The following CACNA1A variants were observed in gnomAD, a reference collection of about 807,000 sequenced individuals.
CACNA1A encodes the protein voltage-dependent P/Q-type calcium channel subunit alpha-1A.
CACNA1A carries 57 observed loss-of-function variants against 262.4 expected under a neutral mutation model. That is an observed-to-expected ratio of 0.22 (90% CI 0.18 to 0.27). The LOEUF (loss-of-function observed/expected upper bound fraction) is 0.27. CACNA1A is among the 10% of genes least tolerant of loss of function. CACNA1A has a pLI of 1.00. For missense variants in CACNA1A, 2,526 were observed against 3,562.8 expected (o/e 0.71, Z 7.41); for synonymous variants, 1,431 against 1,419.3 (o/e 1.01, Z -0.18).
intron 38 of CACNA1A, 107 bp downstream of exon 38, chr19:13,224,560 A>G (rs2055364411): frequency 1.4e-6 from 1 of 737,686 alleles, no homozygotes; most frequent in Non-Finnish European, 2.4e-6. Flanking sequence ...GGAAGAGTGA[A>G]TGAAGATCCG....
chr19:13,248,655 T>A (rs1411724169), intron 30 of CACNA1A, among the ~76,000 whole-genome samples: 1 of 151,952 alleles, frequency 6.6e-6, no homozygotes, highest in Non-Finnish European at 1.5e-5. Flanking sequence ...CCAACCTGGC[T>A]GACGTGGTGA....
chr19:13,262,557 C>T (rs2056759949), intron 25 of CACNA1A, 177 bp downstream of exon 25: 1 of 595,656 alleles, frequency 1.7e-6, no homozygotes, highest in Non-Finnish European at 3.1e-6. Context: ...TTTAGGTCAG[C>T]TCACTTTACT....
chr19:13,317,395 G>A, intron 10 of CACNA1A, 74 bp from the exon 11 acceptor site: 2 of 1,290,752 alleles, frequency 1.5e-6, no homozygotes, highest in Non-Finnish European at 2.2e-6. Flanking sequence ...TGCAGCCCAA[G>A]CACAGATTTT....
chr19:13,369,597 T>G (rs115230277), intron 4 of CACNA1A, among the ~76,000 whole-genome samples: 1,904 of 152,172 alleles, frequency 0.013, 36 homozygotes, highest in African/African-American at 0.042. Context: ...GATGAGAGAG[T>G]TCACACACAG....
intron 1 of CACNA1A, among the ~76,000 whole-genome samples, chr19:13,504,910 T>C (rs1982833893): frequency 6.6e-6 from 1 of 152,066 alleles, no homozygotes; most frequent in Non-Finnish European, 1.5e-5. Context: ...TGCATTTTGA[T>C]AGCATCTCCA....
chr19:13,248,403 C>T (rs146163830), intron 30 of CACNA1A, among the ~76,000 whole-genome samples: 1,765 of 123,276 alleles, frequency 0.014, 13 homozygotes, highest in Non-Finnish European at 0.016. Flanking sequence ...GAGTAAGATC[C>T]CATCTCAAAA....
chr19:13,396,047 C>T (rs1276374897), intron 3 of CACNA1A, among the ~76,000 whole-genome samples: 1 of 152,238 alleles, frequency 6.6e-6, no homozygotes, highest in Non-Finnish European at 1.5e-5. Flanking sequence ...AGCTTTGGGT[C>T]TTCATTCTGA....
chr19:13,490,729 GAAAGAGAAAA>G (rs1980721756), intron 1 of CACNA1A, among the ~76,000 whole-genome samples: 1 of 119,264 alleles, frequency 8.4e-6, no homozygotes, highest in African/African-American at 3.3e-5. Context: ...AAGAAAGAAA[GAAAGAGAAAA>G]GAAAGAAAGA....
At chr19:13,414,965 A>G (rs1234895796) in intron 3 of CACNA1A, among the ~76,000 whole-genome samples, 1 of 152,110 alleles carries the variant, frequency 6.6e-6, no homozygotes, top group Non-Finnish European at 1.5e-5. Flanking sequence ...CCTGTCTCAA[A>G]ACAAAAGCAA....
intron 18 of CACNA1A, 109 bp from the exon 19 acceptor site, chr19:13,299,462 C>T: frequency 1.2e-6 from 1 of 861,076 alleles, no homozygotes; most frequent in Non-Finnish European, 1.9e-6. Context: ...GCTCTCCACC[C>T]TCTACTCCCC....
intron 21 of CACNA1A, 147 bp downstream of exon 21, chr19:13,284,921 G>T: frequency 1.5e-6 from 1 of 662,910 alleles, no homozygotes; most frequent in East Asian, 2.7e-5. Flanking sequence ...CCTGACTTAC[G>T]GAAGGAGCAT....
At chr19:13,450,641 T>A (rs2060900042) in intron 3 of CACNA1A, 1 of 152,220 alleles carries the variant, frequency 6.6e-6, no homozygotes, top group Admixed American at 6.5e-5. Context: ...AAGTGTTCAA[T>A]AAATAGTCAT....
chr19:13,214,445 C>T lies in CACNA1A; in HGVS notation c.5839+56G>A, dbSNP rs2054924844. 1.4e-5 allele frequency: 22 copies of T among 1,555,566 alleles called. No homozygotes were observed. The highest frequency in any genetic ancestry group is 1.9e-5 in the Non-Finnish European group (22 of 1,131,166). ...ACACTCTCCCCAGGCCTCCCCTTTC[C>T]CTCCCCCTCCATCTGTCCTGGTGGA... On this transcript the variant is annotated intron_variant, in intron 39 of 46. Transcript: ENST00000360228. The surrounding 1 kb of genome is among the most constrained non-coding windows in gnomAD (Gnocchi z 4.1).
Position 13,283,256 on chromosome 19 carries a change from GT to G in CACNA1A, c.3822+10del. ...GCCAGGCTAGGAAGGGGTGTGCTCT[GT>G]GGGACTCACGTTGTTCCGAGGTGCG... On this transcript the variant is annotated intron_variant, in intron 22 of 46. Transcript: ENST00000360228. The G allele has an allele frequency of 6.2e-7, 1 of 1,613,420 alleles. No homozygotes were observed. Among genetic ancestry groups the G allele is most frequent in the Non-Finnish European group, 8.5e-7 (1 of 1,179,450 alleles).
chr19:13,235,131 G>T, intron 33 of CACNA1A, 78 bp downstream of exon 33: 3 of 1,555,432 alleles, frequency 1.9e-6, no homozygotes, highest in East Asian at 2.2e-5. Context: ...TGTGAACCAG[G>T]CTCCTCTGAC....
intron 12 of CACNA1A, among the ~76,000 whole-genome samples, chr19:13,312,270 T>C (rs1385907722): frequency 1.3e-5 from 2 of 152,228 alleles, no homozygotes; most frequent in East Asian, 3.8e-4. Context: ...CTAACAATTA[T>C]ACTTCATCTA....
In CACNA1A at chr19:13,286,517, T is replaced by G. The variant is rs2057402553; in HGVS notation, c.3539A>C (p.His1180Pro). 87 of 936,010 alleles carry G rather than the reference T, an allele frequency of 9.3e-5. No homozygotes were observed. The highest frequency in any genetic ancestry group is 1.2e-4 in the Non-Finnish European group (82 of 659,456). The allele number at this position is 936,010 out of a possible 1,614,324, so 58.0% of individuals were successfully genotyped here. A position where few individuals can be genotyped will look rare whatever the true frequency, so the allele number is the denominator to read the frequency against. The change falls in exon 20 of 47, where the codon CAC becomes CCC. Residue 1180 changes from histidine (H) to proline (P), a missense_variant. By Grantham distance (77) the His-to-Pro change is moderately conservative. This residue lies in a region of CACNA1A where 765 missense variants were observed against 748.6 expected (regional missense o/e 1.02). Transcript: ENST00000360228. ...IPPACPPPLN[H>P]TVVQVNKNAN... The stretch of plus-strand genomic sequence containing the variant: ...GAGGGTCTCACCTTGTACGACGGTG[T>G]GGTTGAGGGGGGGTGGGCAGGCTGG...
chr19:13,464,931 CTT>C (rs2061205152), intron 1 of CACNA1A, among the ~76,000 whole-genome samples: 1 of 151,564 alleles, frequency 6.6e-6, no homozygotes, highest in Non-Finnish European at 1.5e-5. Flanking sequence ...TTTCTCTTCT[CTT>C]CTCTTTTCTT....
At chr19:13,457,308 G>A (rs571112097) in intron 1 of CACNA1A, among the ~76,000 whole-genome samples, 4 of 152,126 alleles carry the variant, frequency 2.6e-5, no homozygotes, top group Non-Finnish European at 5.9e-5. Context: ...AACTGCCATA[G>A]AAAACCATTC....
Sources: allele counts gnomAD v4.1 joint callset (sites outside exome capture counted in the v4.1 genomes callset), GRCh38; gene constraint gnomAD v4.1.1; regional missense constraint gnomAD v4.1.1; non-coding constraint Gnocchi (gnomAD v3.1); transcripts MANE v1.5; gene names NCBI Gene and HGNC (gene_info 2026-07-23, HGNC 2026-07-21).